POLR3G: variants seen among roughly 807,000 people sequenced by gnomAD.
The protein encoded by POLR3G is RNA polymerase III subunit G.
Under a neutral mutation model 30.1 loss-of-function variants are expected in POLR3G, and 28 were observed. That is an observed-to-expected ratio of 0.93 (90% CI 0.69 to 1.27). The LOEUF (loss-of-function observed/expected upper bound fraction) is 1.27. Ranked by LOEUF, POLR3G falls within the 50% of genes most tolerant of loss-of-function variation. POLR3G has a pLI of 0.00. For missense variants in POLR3G, 254 were observed against 264.6 expected, an observed-to-expected ratio of 0.96 and a Z score of 0.28; for synonymous variants, 79 against 82.5, an observed-to-expected ratio of 0.96 and a Z score of 0.23.
chr5:90,495,165 GA>G (rs1266202693), intron 3 of POLR3G, among the ~76,000 whole-genome samples: 1 of 152,154 alleles, frequency 6.6e-6, no homozygotes, highest in Non-Finnish European at 1.5e-5. Context: ...TGACATAGAA[GA>G]AAAATCAGTA....
rs140952617 is a variant in POLR3G at position 90,502,473 on chromosome 5, TA to T, written c.438+492del. 6.2e-3 allele frequency: 4,371 copies of T among 700,168 alleles called. 159 individuals carry two copies. The African/African-American group carries it at 0.078, about 12-fold the overall frequency. The allele number at this position is 700,168 out of a possible 1,614,324, so 43.4% of individuals were successfully genotyped here. ...TTTCTTTATCTAAATATTTCAAAAA[TA>T]AAAAAATGTAGATTCAGAAGGTTAA... On this transcript the variant is annotated intron_variant, in intron 6 of 7. Coordinates refer to ENST00000651687, the MANE Select transcript of POLR3G (RefSeq NM_006467.3).
Position 90,487,378 on chromosome 5 carries a change from A to ATTTTTTTTTTTTTTTTTTTTTTTTTT in POLR3G, c.118-618_118-593dup, listed in dbSNP as rs59951999. The stretch of plus-strand genomic sequence containing the variant: ...TTTTCTTTTTTTTTTTGGTACATTA[A>ATTTTTTTTTTTTTTTTTTTTTTTTTT]TTTTTTTTTTTTTTTTTTTTTTTTT... On this transcript the variant is annotated intron_variant, in intron 2 of 7. Coordinates refer to ENST00000651687, the MANE Select transcript of POLR3G (RefSeq NM_006467.3). Among the ~76,000 whole-genome samples, 2 of 57,020 alleles carry ATTTTTTTTTTTTTTTTTTTTTTTTTT rather than the reference A, an allele frequency of 3.5e-5. 1 individual carries two copies. Among genetic ancestry groups the ATTTTTTTTTTTTTTTTTTTTTTTTTT allele is most frequent in the African/African-American group, 1.6e-4 (2 of 12,618 alleles). 37.4% of individuals were successfully genotyped at this position (57,020 alleles called of 152,430 possible).
intron 5 of POLR3G, among the ~76,000 whole-genome samples, chr5:90,499,010 A>G (rs994401094): frequency 1.3e-5 from 2 of 152,210 alleles, no homozygotes; most frequent in African/African-American, 4.8e-5. Context: ...GGAAGTAGGG[A>G]AATACCAGGT....
rs1334475794 is a variant in POLR3G at position 90,514,411 on chromosome 5, T to G, written c.*2272T>G. 3 of 152,134 alleles carry G rather than the reference T, an allele frequency of 2.0e-5. No individual in the cohort carries two copies. The highest frequency in any genetic ancestry group is 2.9e-5 in the Non-Finnish European group (2 of 68,032). 9.4% of individuals were successfully genotyped at this position (152,134 alleles called of 1,614,324 possible). A position where few individuals can be genotyped will look rare whatever the true frequency, so the allele number is the denominator to read the frequency against. Reference sequence around the variant, plus strand: ...CAAAACAAAATGTGTTCGTTTGTTTTATAGTAAGATGTTTTATTTTGAACT... The same window carrying G: ...CAAAACAAAATGTGTTCGTTTGTTTGATAGTAAGATGTTTTATTTTGAACT... On this transcript the variant is annotated 3_prime_UTR_variant, in exon 8 of 8. Coordinates refer to ENST00000651687, the MANE Select transcript of POLR3G (RefSeq NM_006467.3).
At chr5:90,474,699 C>G (rs1017499504), upstream of POLR3G, 1 of 230,184 alleles carries the variant, frequency 4.3e-6, no homozygotes, top group Non-Finnish European at 8.6e-6. Flanking sequence ...AGAGCTAGAA[C>G]CGCCCACCCA....
At chr5:90,496,742 T>TC (rs1752015928) in intron 4 of POLR3G, among the ~76,000 whole-genome samples, 1 of 152,238 alleles carries the variant, frequency 6.6e-6, no homozygotes, top group Admixed American at 6.5e-5. Flanking sequence ...TCCCCTTATG[T>TC]AAAAACATAG....
intron 7 of POLR3G, among the ~76,000 whole-genome samples, chr5:90,510,029 T>C (rs1752662371): frequency 6.6e-6 from 1 of 152,158 alleles, no homozygotes; most frequent in East Asian, 1.9e-4. Flanking sequence ...TTTGGTAGTG[T>C]CTGGAGATAT....
intron 5 of POLR3G, among the ~76,000 whole-genome samples, chr5:90,500,749 A>G (rs1580214042): frequency 6.6e-6 from 1 of 152,292 alleles, no homozygotes; most frequent in South Asian, 2.1e-4. Flanking sequence ...TCCATCAGTT[A>G]TGGGTCATCT....
At chr5:90,474,029 G>C (rs1181689007), upstream of POLR3G, 1 of 1,593,070 alleles carries the variant, frequency 6.3e-7, no homozygotes, top group Non-Finnish European at 8.5e-7. Context: ...GGCCGCCGGA[G>C]TGGTCGAAGT....
At chr5:90,500,040 T>C (rs990542235) in intron 5 of POLR3G, among the ~76,000 whole-genome samples, 1 of 152,316 alleles carries the variant, frequency 6.6e-6, no homozygotes. Context: ...TTTTCAAATA[T>C]GTTATCCCTG....
upstream of POLR3G, chr5:90,474,198 A>T: frequency 6.2e-7 from 1 of 1,611,524 alleles, no homozygotes; most frequent in Non-Finnish European, 8.5e-7. Flanking sequence ...CACCAGCCAG[A>T]TGTTGGCACG....
At chr5:90,483,436 A>G (rs905117410) in intron 1 of POLR3G, among the ~76,000 whole-genome samples, 2 of 152,232 alleles carry the variant, frequency 1.3e-5, no homozygotes, top group Non-Finnish European at 2.9e-5. Flanking sequence ...ATGTTTCATT[A>G]CATAAAGATG....
chr5:90,503,203 C>A (rs892566171), intron 6 of POLR3G, among the ~76,000 whole-genome samples: 10 of 152,148 alleles, frequency 6.6e-5, no homozygotes, highest in African/African-American at 2.4e-4. Flanking sequence ...TTCATAACAA[C>A]AAGGAGAGGT....
intron 3 of POLR3G, among the ~76,000 whole-genome samples, chr5:90,493,436 G>T (rs1000485020): frequency 1.3e-5 from 2 of 151,636 alleles, no homozygotes; most frequent in Non-Finnish European, 2.9e-5. Context: ...TTGTAGAGAT[G>T]GGGGTTTCAC....
Position 90,485,517 on chromosome 5 carries a change from A to AT in POLR3G, c.-43-6dup, listed in dbSNP as rs1212287392. On this transcript the variant is annotated splice_region_variant and splice_polypyrimidine_tract_variant and intron_variant, in intron 1 of 7. Coordinates refer to ENST00000651687, the MANE Select transcript of POLR3G (RefSeq NM_006467.3). ...ATATGTGATCCAGTAAATCGTAATC[A>AT]TTAATAGTGCCTTTCAGAATTTGCC... The AT allele has an allele frequency of 7.8e-7, 1 of 1,278,938 alleles. No homozygotes were observed. The highest frequency in any genetic ancestry group is 1.5e-5 in the African/African-American group (1 of 67,270). 79.2% of individuals were successfully genotyped at this position (1,278,938 alleles called of 1,614,324 possible).
At chr5:90,491,378 A>G (rs1333870142) in intron 3 of POLR3G, among the ~76,000 whole-genome samples, 1 of 152,206 alleles carries the variant, frequency 6.6e-6, no homozygotes, top group Non-Finnish European at 1.5e-5. Context: ...CAGTGGTGAT[A>G]GTGTCATAAG....
chr5:90,502,073 T>G, intron 6 of POLR3G, 85 bp downstream of exon 6: 1 of 1,516,730 alleles, frequency 6.6e-7, no homozygotes, highest in Non-Finnish European at 8.8e-7. Context: ...CCTTTCAGCA[T>G]TCTCTTACTT....
chr5:90,492,914 T>C (rs1216810139), intron 3 of POLR3G, among the ~76,000 whole-genome samples: 2 of 152,070 alleles, frequency 1.3e-5, no homozygotes, highest in African/African-American at 4.8e-5. Flanking sequence ...TATTGCATTT[T>C]GGATATGTAA....
Position 90,506,597 on chromosome 5 carries a change from A to G in POLR3G, c.508A>G (p.Lys170Glu), listed in dbSNP as rs1306626131. The change falls in exon 7 of 8, where the codon AAA (lysine) becomes GAA (glutamate). Residue 170 changes from lysine (K) to glutamate (E), a missense_variant. Physicochemically the swap from Lys to Glu is moderately conservative, Grantham distance 56. Coordinates refer to ENST00000651687, the MANE Select transcript of POLR3G (RefSeq NM_006467.3). ...TGAAGAGAAAGAAGGAAGCAAAGAGAAAAGTAAAGAAGGTGATGATGACGA... is the reference window on the plus strand; with the variant it reads ...TGAAGAGAAAGAAGGAAGCAAAGAGGAAAGTAAAGAAGGTGATGATGACGA... ...ENEEKEGSKE[K>E]SKEGDDDDDD... 6.2e-7 allele frequency: 1 copy of G among 1,613,792 alleles called. No individual in the cohort carries two copies. Among genetic ancestry groups the G allele is most frequent in the East Asian group, 2.2e-5 (1 of 44,868 alleles).
Sources: gnomAD v4.1 joint callset for allele counts (sites outside exome capture counted in the v4.1 genomes callset) on GRCh38, gnomAD v4.1.1 for gene constraint, MANE v1.5 for transcripts, NCBI Gene and HGNC (gene_info 2026-07-23, HGNC 2026-07-21) for gene names.